The following EIF2AK1 variants were observed in gnomAD, a reference collection of about 807,000 sequenced individuals.
The protein encoded by EIF2AK1 is eukaryotic translation initiation factor 2 alpha kinase 1, also known as eukaryotic translation initiation factor 2-alpha kinase 1.
Under a neutral mutation model 77.9 loss-of-function variants are expected in EIF2AK1, and 54 were observed. The observed-to-expected ratio is 0.69, with a 90% CI of 0.56 to 0.87. EIF2AK1 has a LOEUF of 0.87. EIF2AK1 is among the 40% of genes least tolerant of loss of function. The pLI, the probability that EIF2AK1 is intolerant of heterozygous loss-of-function variation, is 0.00. For synonymous variants in EIF2AK1, 314 were observed against 290.5 expected (o/e 1.08, Z -0.82); for missense variants, 810 against 768.6 (o/e 1.05, Z -0.64).
intron 2 of EIF2AK1, 106 bp downstream of exon 2, chr7:6,054,440 G>C (rs1011601561): frequency 1.4e-5 from 18 of 1,254,542 alleles, no homozygotes; most frequent in Non-Finnish European, 2.0e-5. Context: ...CGGACCTCGG[G>C]TGATCCGCCC....
intron 5 of EIF2AK1, 105 bp from the exon 6 acceptor site, chr7:6,046,256 TA>T (rs1788441951): frequency 1.8e-6 from 1 of 557,118 alleles, no homozygotes; most frequent in Non-Finnish European, 3.0e-6. Context: ...GCCAAAGAGG[TA>T]AAATATAGCT....
chr7:6,034,109 A>C (rs1787998237), intron 11 of EIF2AK1, among the ~76,000 whole-genome samples: 1 of 151,438 alleles, frequency 6.6e-6, no homozygotes, highest in African/African-American at 2.4e-5. Flanking sequence ...TGAGGTCAGG[A>C]GTTCGAGACC....
chr7:6,023,666 A>G lies in EIF2AK1; in HGVS notation c.*1007T>C. Reference sequence around the variant, plus strand: ...TCTTGTGAAAACCTGGCTCCTTTTAACACGGCCCTCAAGCTCCTTAAGTGA... The same window carrying G: ...TCTTGTGAAAACCTGGCTCCTTTTAGCACGGCCCTCAAGCTCCTTAAGTGA... On this transcript the variant is annotated 3_prime_UTR_variant, in exon 15 of 15. Coordinates refer to ENST00000199389, the MANE Select transcript of EIF2AK1 (RefSeq NM_014413.4). 6.2e-7 allele frequency: 1 copy of G among 1,614,142 alleles called. No individual in the cohort carries two copies. The highest frequency in any genetic ancestry group is 8.5e-7 in the Non-Finnish European group (1 of 1,180,024).
Position 6,041,072 on chromosome 7 carries a change from T to TA in EIF2AK1, c.938dup (p.Arg314LysfsTer5). The TA allele has an allele frequency of 6.2e-7, 1 of 1,614,104 alleles. No individual in the cohort carries two copies. The highest frequency in any genetic ancestry group is 8.5e-7 in the Non-Finnish European group (1 of 1,180,020). On this transcript the variant is annotated frameshift_variant, in exon 9 of 15. Transcript: ENST00000199389. LOFTEE classifies it high-confidence loss of function. ...TCGACTCAAGTTCACCAGATTCTCT[T>TA]ATGACTAAATTGGTGGTGTACTTCA...
In EIF2AK1 at chr7:6,031,691, T is replaced by G. The variant is rs1787918231; in HGVS notation, c.1333-2659A>C. 2.5e-6 allele frequency: 3 copies of G among 1,209,896 alleles called. No homozygotes were observed. In the Admixed American group the frequency reaches 6.3e-5, roughly 25 times the overall value. 74.9% of individuals were successfully genotyped at this position (1,209,896 alleles called of 1,614,324 possible). The stretch of plus-strand genomic sequence containing the variant: ...GAACCCACTAAGCTCACGGCCCTTA[T>G]GAGAATGAGACACGACTCCAGCTCA... On this transcript the variant is annotated intron_variant, in intron 11 of 14. Coordinates refer to ENST00000199389, the MANE Select transcript of EIF2AK1 (RefSeq NM_014413.4).
rs965807363 is a variant in EIF2AK1 at position 6,032,830 on chromosome 7, C to T, written c.1333-3798G>A. 7 of 1,549,502 alleles carry T rather than the reference C, an allele frequency of 4.5e-6. No individual in the cohort carries two copies. Among genetic ancestry groups the T allele is most frequent in the Non-Finnish European group, 6.1e-6 (7 of 1,145,874 alleles). On this transcript the variant is annotated intron_variant, in intron 11 of 14. Transcript: ENST00000199389. The surrounding 1 kb of genome is among the most constrained non-coding windows in gnomAD (Gnocchi z 4.3). ...GCCACTTGTAATGTGTTTTGTTTTC[C>T]CTCCAAAGCCGACAGAGTCTATCAT... is the stretch of plus-strand genomic sequence containing the variant.
At chr7:6,057,909 G>C (rs1288318899) in intron 1 of EIF2AK1, among the ~76,000 whole-genome samples, 2 of 152,096 alleles carry the variant, frequency 1.3e-5, no homozygotes, top group Non-Finnish European at 1.5e-5. Context: ...GATTACAGGC[G>C]TGACCCCACT....
rs1417972676 is a variant in EIF2AK1 at position 6,024,437 on chromosome 7, A to G, written c.*236T>C. ...AGTTGAAAGGAGAAAATAATTGAGG[A>G]TGAGGTCCAAGTTTTTAGTTTCAGA... On this transcript the variant is annotated 3_prime_UTR_variant, in exon 15 of 15. Transcript: ENST00000199389. 2 of 1,380,032 alleles carry G rather than the reference A, an allele frequency of 1.4e-6. No homozygotes were observed. The highest frequency in any genetic ancestry group is 2.7e-4 in the Middle Eastern group (1 of 3,726). The allele number at this position is 1,380,032 out of a possible 1,614,324, so 85.5% of individuals were successfully genotyped here.
intron 14 of EIF2AK1, chr7:6,026,430 C>G (rs1489151331): frequency 1.7e-6 from 1 of 572,626 alleles, no homozygotes; most frequent in Admixed American, 2.2e-5. Context: ...CAGGAAGTTT[C>G]CTACCGGCCT....
intron 1 of EIF2AK1, 80 bp downstream of exon 1, chr7:6,058,875 TCCTCAGGCAAA>T (rs1352187722): frequency 8.4e-7 from 1 of 1,190,276 alleles, no homozygotes; most frequent in Non-Finnish European, 1.1e-6. Flanking sequence ...GTCGCCCAGG[TCCTCAGGCAAA>T]CCTCAGGGCT....
intron 11 of EIF2AK1, 51 bp from the exon 12 acceptor site, chr7:6,029,083 T>A: frequency 7.2e-7 from 1 of 1,380,808 alleles, no homozygotes; most frequent in Non-Finnish European, 1.0e-6. Flanking sequence ...AAACAAATAG[T>A]AATATCTTGT....
chr7:6,046,065 T>C lies in EIF2AK1; in HGVS notation c.630+6A>G. 6.6e-7 allele frequency: 1 copy of C among 1,512,682 alleles called. No individual in the cohort carries two copies. Among genetic ancestry groups the C allele is most frequent in the Non-Finnish European group, 9.0e-7 (1 of 1,112,086 alleles). 93.7% of individuals were successfully genotyped at this position (1,512,682 alleles called of 1,614,324 possible). A position where few individuals can be genotyped will look rare whatever the true frequency, so the allele number is the denominator to read the frequency against. ...ATTCAAAATAAGTAATTTTTAAAAATCATACCTTCATGCAAACTGTTTTAG... is the reference window on the plus strand; with the variant it reads ...ATTCAAAATAAGTAATTTTTAAAAACCATACCTTCATGCAAACTGTTTTAG... On this transcript the variant is annotated splice_donor_region_variant and intron_variant, in intron 6 of 14. Coordinates refer to ENST00000199389, the MANE Select transcript of EIF2AK1 (RefSeq NM_014413.4).
In EIF2AK1 at chr7:6,024,626, T is replaced by C. The variant is rs1339049958; in HGVS notation, c.*47A>G. 1.2e-6 allele frequency: 2 copies of C among 1,612,078 alleles called. No homozygotes were observed. Among genetic ancestry groups the C allele is most frequent in the African/African-American group, 1.3e-5 (1 of 74,732 alleles). ...TGTACCAACTATACCCTAATAAAGATTAAAAATTTACATTCCAGTTAACTA... is the reference window on the plus strand; with the variant it reads ...TGTACCAACTATACCCTAATAAAGACTAAAAATTTACATTCCAGTTAACTA... On this transcript the variant is annotated 3_prime_UTR_variant, in exon 15 of 15. Transcript: ENST00000199389.
At chr7:6,058,246 C>CA (rs749705392) in intron 1 of EIF2AK1, 39,910 of 296,970 alleles carry the variant, frequency 0.13, 263 homozygotes, top group South Asian at 0.19. Flanking sequence ...CACATCTCTG[C>CA]AAAAAAAAAA....
chr7:6,054,943 TC>T (rs1788707800), intron 1 of EIF2AK1, among the ~76,000 whole-genome samples: 1 of 152,108 alleles, frequency 6.6e-6, no homozygotes, highest in South Asian at 2.1e-4. Flanking sequence ...GAAACAGTTT[TC>T]TGATGTGTCC....
At chr7:6,029,170 T>A (rs1355653270) in intron 11 of EIF2AK1, 138 bp from the exon 12 acceptor site, 7 of 710,972 alleles carry the variant, frequency 9.8e-6, no homozygotes, top group African/African-American at 1.8e-5. Context: ...GTTCCCAAAT[T>A]TGCCTACACA....
In EIF2AK1 at chr7:6,023,815, TA is replaced by T. The variant is rs780826243; in HGVS notation, c.*857del. ...ATTTAGGCCAGTTGTCAAGTGTCAATAAAAGCATCATGTAATTTATGGTTTT... is the reference window on the plus strand; with the variant it reads ...ATTTAGGCCAGTTGTCAAGTGTCAATAAAGCATCATGTAATTTATGGTTTT... On this transcript the variant is annotated 3_prime_UTR_variant, in exon 15 of 15. Coordinates refer to ENST00000199389, the MANE Select transcript of EIF2AK1 (RefSeq NM_014413.4). 3.1e-5 allele frequency: 49 copies of T among 1,572,840 alleles called. No individual in the cohort carries two copies. The highest frequency in any genetic ancestry group is 4.1e-5 in the African/African-American group (3 of 73,978).
rs1230541692 is a variant in EIF2AK1, at chr7:6,035,208, T to A, written c.1332+2216A>T. ...AAAATAATTTTTCAAAAAAAAAAAT[T>A]ATATATACATAAAATGAAGCTAGGC... On this transcript the variant is annotated intron_variant, in intron 11 of 14. Coordinates refer to ENST00000199389, the MANE Select transcript of EIF2AK1 (RefSeq NM_014413.4). This position sits in a 1 kb window ranked among gnomAD's most constrained non-coding sequence, Gnocchi z 5.5. Among the ~76,000 whole-genome samples, 1 of 152,070 alleles carries A rather than the reference T, an allele frequency of 6.6e-6. No homozygotes were observed. The highest frequency in any genetic ancestry group is 1.5e-5 in the Non-Finnish European group (1 of 67,998).
intron 11 of EIF2AK1, among the ~76,000 whole-genome samples, chr7:6,031,994 C>T (rs1787925241): frequency 6.6e-6 from 1 of 152,080 alleles, no homozygotes; most frequent in Non-Finnish European, 1.5e-5. Flanking sequence ...GCCAGCAGGG[C>T]AAAACCCCGT....
Sources: gnomAD v4.1 joint callset for allele counts (sites outside exome capture counted in the v4.1 genomes callset) on GRCh38, gnomAD v4.1.1 for gene constraint, Gnocchi (gnomAD v3.1) non-coding constraint, MANE v1.5 for transcripts, NCBI Gene and HGNC (gene_info 2026-07-23, HGNC 2026-07-21) for gene names.